SATB1: variants seen among roughly 807,000 people sequenced by gnomAD.
SATB1 encodes the protein DNA-binding protein SATB1.
A neutral mutation model predicts 86.9 loss-of-function variants in SATB1; 11 were observed. The observed-to-expected ratio is 0.13, with a 90% CI of 0.08 to 0.21. SATB1 has a LOEUF of 0.21. Ranked by LOEUF, SATB1 falls within the 10% of genes least tolerant of loss-of-function variation. The probability of loss-of-function intolerance (pLI) is 1.00; values close to 1 mark genes in which losing one functional copy is unlikely to be tolerated. For missense variants in SATB1, 551 were observed against 937.6 expected (o/e 0.59, Z 5.39); for synonymous variants, 357 against 357.2 (o/e 1.00, Z 0.01).
chr3:18,385,539 C>A (rs1267264544), intron 8 of SATB1, among the ~76,000 whole-genome samples: 1 of 151,200 alleles, frequency 6.6e-6, no homozygotes, highest in Non-Finnish European at 1.5e-5. Context: ...AGGAGAATGG[C>A]GTGAACCCGG....
chr3:18,367,103 CTG>C (rs1442668642), intron 9 of SATB1, among the ~76,000 whole-genome samples: 4 of 152,294 alleles, frequency 2.6e-5, no homozygotes, highest in African/African-American at 9.6e-5. Flanking sequence ...AACGGCTTGC[CTG>C]GGACTACACA....
intron 9 of SATB1, among the ~76,000 whole-genome samples, chr3:18,362,845 C>A (rs1694971510): frequency 5.2e-5 from 3 of 57,350 alleles, no homozygotes; most frequent in South Asian, 6.9e-4. Flanking sequence ...GCTGAATATT[C>A]ATATATGCCA....
At chr3:18,395,593 T>C (rs1696925529) in intron 6 of SATB1, among the ~76,000 whole-genome samples, 2 of 152,346 alleles carry the variant, frequency 1.3e-5, no homozygotes, top group South Asian at 4.1e-4. Context: ...GAAATACTTT[T>C]TAGAATAAAG....
intron 5 of SATB1, among the ~76,000 whole-genome samples, chr3:18,398,423 G>T (rs558423773): frequency 2.0e-5 from 3 of 152,130 alleles, no homozygotes; most frequent in Non-Finnish European, 4.4e-5. Flanking sequence ...ACATCAGTTG[G>T]TCTATGGTGA....
rs11391230 is a variant in SATB1, at chr3:18,370,515, C to CAAAA, written c.1575+7651_1575+7654dup. On this transcript the variant is annotated intron_variant, in intron 9 of 10. Coordinates refer to ENST00000338745, the MANE Select transcript of SATB1 (RefSeq NM_002971.6). ...GACAATATGGGACAACTGAGAGAGG[C>CAAAA]AAAAAAAAAAAAAAAAAAAAAGAGG... 2.2e-3 allele frequency among the ~76,000 whole-genome samples: 108 copies of CAAAA among 49,324 alleles called. 2 individuals carry two copies. The highest frequency in any genetic ancestry group is 4.8e-3 in the African/African-American group (50 of 10,346). 32.4% of individuals were successfully genotyped at this position (49,324 alleles called of 152,430 possible). A position where few individuals can be genotyped will look rare whatever the true frequency, so the allele number is the denominator to read the frequency against.
chr3:18,375,300 A>T (rs1424092181), intron 9 of SATB1, among the ~76,000 whole-genome samples: 1 of 152,190 alleles, frequency 6.6e-6, no homozygotes, highest in African/African-American at 2.4e-5. Flanking sequence ...CATGTGTAAA[A>T]GTAAGAAAAT....
intron 7 of SATB1, among the ~76,000 whole-genome samples, chr3:18,387,900 TTAAAGA>T (rs1365418044): frequency 6.6e-6 from 1 of 152,158 alleles, no homozygotes; most frequent in Non-Finnish European, 1.5e-5. Context: ...GTTCCCAAAT[TTAAAGA>T]TAATGTACCA....
intron 9 of SATB1, among the ~76,000 whole-genome samples, chr3:18,357,541 A>AT (rs10539857): frequency 0.078 from 10,514 of 135,440 alleles, 567 homozygotes; most frequent in South Asian, 0.17. Context: ...ATAGAGGGCA[A>AT]TTTTTTTTTT....
chr3:18,385,124 T>C (rs1349725156), intron 8 of SATB1, among the ~76,000 whole-genome samples: 1 of 152,178 alleles, frequency 6.6e-6, no homozygotes, highest in Non-Finnish European at 1.5e-5. Context: ...CTCTTTAGTG[T>C]TGAATGAGTT....
chr3:18,415,421 TTA>T (rs1332560808), intron 4 of SATB1, among the ~76,000 whole-genome samples, 187 bp from the exon 5 acceptor site: 2 of 152,106 alleles, frequency 1.3e-5, no homozygotes, highest in African/African-American at 4.8e-5. Flanking sequence ...GATGCATGAA[TTA>T]TACATCAGCT....
intron 5 of SATB1, chr3:18,414,822 CTAA>C: frequency 3.5e-6 from 1 of 284,932 alleles, no homozygotes; most frequent in Non-Finnish European, 6.6e-6. Context: ...AGCCATCATG[CTAA>C]TAGCACTCAG....
chr3:18,351,733 A>G (rs1694372706), intron 10 of SATB1: 1 of 535,414 alleles, frequency 1.9e-6, no homozygotes, highest in Admixed American at 3.2e-5. Flanking sequence ...CAACAAAGAC[A>G]CATTTGCCAA....
chr3:18,415,305 C>T, intron 4 of SATB1, 71 bp from the exon 5 acceptor site: 1 of 1,568,108 alleles, frequency 6.4e-7, no homozygotes, highest in Non-Finnish European at 8.7e-7. Flanking sequence ...TCCTTTAAGA[C>T]AGACAGATTT....
At chr3:18,408,237 A>T (rs1697647139) in intron 5 of SATB1, among the ~76,000 whole-genome samples, 1 of 152,006 alleles carries the variant, frequency 6.6e-6, no homozygotes, top group Admixed American at 6.6e-5. Context: ...AAAGACTGCT[A>T]AAGAAGTCAG....
chr3:18,392,580 CACACATATATAT>C (rs1026698153), intron 7 of SATB1, among the ~76,000 whole-genome samples: 2 of 141,352 alleles, frequency 1.4e-5, no homozygotes, highest in African/African-American at 2.7e-5. Context: ...CACATACACA[CACACATATATAT>C]ACACATATAT....
upstream of SATB1, among the ~76,000 whole-genome samples, chr3:18,426,794 T>A (rs924028164): frequency 5.9e-5 from 9 of 152,196 alleles, no homozygotes; most frequent in African/African-American, 2.2e-4. The surrounding 1 kb of genome is among the most constrained non-coding windows in gnomAD (Gnocchi z 4.2). Flanking sequence ...AAGGGAAATT[T>A]GCAAATTAAG....
At chr3:18,388,809 T>G (rs9851736) in intron 7 of SATB1, among the ~76,000 whole-genome samples, 1 of 151,868 alleles carries the variant, frequency 6.6e-6, no homozygotes, top group African/African-American at 2.4e-5. Context: ...GGATGTTATT[T>G]GGGAAACTTG....
At chr3:18,409,788 G>A (rs1164294218) in intron 5 of SATB1, among the ~76,000 whole-genome samples, 2 of 151,866 alleles carry the variant, frequency 1.3e-5, no homozygotes. Flanking sequence ...TACTGGGAAG[G>A]GGCAAGTACA....
chr3:18,357,306 T>C (rs574342562), intron 9 of SATB1, among the ~76,000 whole-genome samples: 3 of 151,924 alleles, frequency 2.0e-5, no homozygotes, highest in South Asian at 2.1e-4. Flanking sequence ...CAGCAAGTAG[T>C]AGGAACAAGG....
Sources: gnomAD v4.1 joint callset for allele counts (sites outside exome capture counted in the v4.1 genomes callset) on GRCh38, gnomAD v4.1.1 for gene constraint, Gnocchi (gnomAD v3.1) non-coding constraint, MANE v1.5 for transcripts, NCBI Gene and HGNC (gene_info 2026-07-23, HGNC 2026-07-21) for gene names.